CCHCR1: variants seen among roughly 807,000 people sequenced by gnomAD.
The protein encoded by CCHCR1 is HCR (a-helix coiled-coil rod homologue).
In CCHCR1, 91 loss-of-function variants were observed where a neutral mutation model predicts 114.6. The observed-to-expected ratio is 0.79, with a 90% CI of 0.67 to 0.94. The LOEUF (loss-of-function observed/expected upper bound fraction) is 0.94, where lower values mean the gene tolerates loss of function less well. Ranked by LOEUF, CCHCR1 falls within the 40% of genes least tolerant of loss-of-function variation. The pLI is 0.00. For synonymous variants in CCHCR1, 379 were observed against 428.5 expected, an observed-to-expected ratio of 0.88 and a Z score of 1.43; for missense variants, 899 against 1,079.9, an observed-to-expected ratio of 0.83 and a Z score of 2.35.
At position 31,143,222 on chromosome 6, in the gene CCHCR1, T is replaced by C; in HGVS notation, c.2319+40A>G. ...CTCTAGCCCAGGAACCAGCCCAGGA[T>C]GGGCCCTAGTGTCTGCCTGTCTGCC... is the stretch of plus-strand genomic sequence containing the variant. On this transcript the variant is annotated intron_variant, in intron 16 of 17. Transcript: ENST00000396268. This position sits in a 1 kb window ranked among gnomAD's most constrained non-coding sequence, Gnocchi z 5.3. 1.2e-6 allele frequency: 2 copies of C among 1,611,514 alleles called. No individual in the cohort carries two copies. The highest frequency in any genetic ancestry group is 1.7e-6 in the Non-Finnish European group (2 of 1,179,340).
rs1186394264 is a variant in CCHCR1 at position 31,156,802 on chromosome 6, G to C, written c.426C>G (p.Thr142=). 6.2e-7 allele frequency: 1 copy of C among 1,612,748 alleles called. No individual in the cohort carries two copies. The highest frequency in any genetic ancestry group is 8.5e-7 in the Non-Finnish European group (1 of 1,180,002). The part of the protein sequence containing the change: ...HQDVSERRLD[T]QRPQVTMWER... ...CCCACATGGTCACTTGAGGTCTCTGGGTGTCTAGCCGCCTCTCTGAGACAT... is the reference window on the plus strand; with the variant it reads ...CCCACATGGTCACTTGAGGTCTCTGCGTGTCTAGCCGCCTCTCTGAGACAT... Residue 142 remains threonine (T), a synonymous_variant, in exon 3 of 18, where the codon ACC becomes ACG. Transcript: ENST00000396268.
rs1259369177 is a variant in CCHCR1 at position 31,150,890 on chromosome 6, T to C, written c.966-30A>G. 1 of 1,611,704 alleles carries C rather than the reference T, an allele frequency of 6.2e-7. No homozygotes were observed. Among genetic ancestry groups the C allele is most frequent in the African/African-American group, 1.3e-5 (1 of 75,012 alleles). ...GGTTGGGGTGGGAATGGGACAGCCA[T>C]CAGTGGGGCGCCCTGCAGATCCACC... On this transcript the variant is annotated intron_variant, in intron 5 of 17. Coordinates refer to ENST00000396268, the MANE Select transcript of CCHCR1 (RefSeq NM_001105564.2). The surrounding 1 kb of genome is among the most constrained non-coding windows in gnomAD (Gnocchi z 5.3).
intron 4 of CCHCR1, among the ~76,000 whole-genome samples, chr6:31,152,199 T>A (rs3130500): frequency 0.74 from 111,098 of 149,544 alleles, 41,292 homozygotes; most frequent in Middle Eastern, 0.82. Context: ...GAAGAATGAC[T>A]TGAACCCGGG....
At chr6:31,157,354 A>AT (rs1561832385) in intron 1 of CCHCR1, 31 bp downstream of exon 1, 56 of 1,556,594 alleles carry the variant, frequency 3.6e-5, no homozygotes, top group Non-Finnish European at 4.9e-5. Context: ...GGCTTTACTC[A>AT]TACTTTCAGG....
At chr6:31,153,804 T>A (rs1361927008) in intron 4 of CCHCR1, among the ~76,000 whole-genome samples, 2 of 152,132 alleles carry the variant, frequency 1.3e-5, no homozygotes, top group Non-Finnish European at 2.9e-5. Context: ...GGTCTTGAAC[T>A]CCTGACCTTG....
At chr6:31,149,120 C>CAAG in intron 8 of CCHCR1, 1 of 83,118 alleles carries the variant, frequency 1.2e-5, no homozygotes. Flanking sequence ...CCACTGCACT[C>CAAG]CAGCCTGGTG....
Position 31,156,813 on chromosome 6 carries a change from G to C in CCHCR1, c.415C>G (p.Arg139Gly). Residue 139 changes from arginine to glycine, a missense_variant, in exon 3 of 18, where the codon CGG (arginine) becomes GGG (glycine). By Grantham distance (125) the Arg-to-Gly change is moderately radical. Transcript: ENST00000396268. ...PPGHQDVSER[R>G]LDTQRPQVTM... ...ACTTGAGGTCTCTGGGTGTCTAGCC[G>C]CCTCTCTGAGACATCTTGATGGCCT... 1 of 1,612,808 alleles carries C rather than the reference G, an allele frequency of 6.2e-7. No individual in the cohort carries two copies. The highest frequency in any genetic ancestry group is 8.5e-7 in the Non-Finnish European group (1 of 1,179,990).
In CCHCR1 at chr6:31,150,957, A is replaced by G; in HGVS notation, c.965+2T>C. 6.2e-7 allele frequency: 1 copy of G among 1,612,460 alleles called. No individual in the cohort carries two copies. The highest frequency in any genetic ancestry group is 8.5e-7 in the Non-Finnish European group (1 of 1,179,834). ...GGCTCCCGTCGGCGTCCGCCCACCT[A>G]CCTCAGCTGCTTCCGAAGCAGCTCG... On this transcript the variant is annotated splice_donor_variant, in intron 5 of 17. Coordinates refer to ENST00000396268, the MANE Select transcript of CCHCR1 (RefSeq NM_001105564.2). LOFTEE classifies it high-confidence loss of function. The surrounding 1 kb of genome is among the most constrained non-coding windows in gnomAD (Gnocchi z 5.3).
At chr6:31,156,966 G>C (rs372919452) in intron 2 of CCHCR1, 22 bp from the exon 3 acceptor site, 17 of 1,612,520 alleles carry the variant, frequency 1.1e-5, no homozygotes, top group Non-Finnish European at 1.3e-5. Context: ...CAAAAACAAA[G>C]ATGGTCAGTT....
intron 17 of CCHCR1, 88 bp from the exon 18 acceptor site, chr6:31,142,804 T>C (rs1392898750): frequency 5.8e-6 from 9 of 1,547,966 alleles, no homozygotes; most frequent in Non-Finnish European, 6.1e-6. Flanking sequence ...AAATGAGGAA[T>C]GGGAGAGAGG....
chr6:31,145,564 GA>G, intron 11 of CCHCR1, 71 bp from the exon 12 acceptor site: 2 of 1,524,890 alleles, frequency 1.3e-6, no homozygotes, highest in Non-Finnish European at 9.1e-7. Context: ...GGGAGTAAGG[GA>G]AAAAGAGATG....
intron 10 of CCHCR1, 22 bp downstream of exon 10, chr6:31,148,383 C>T: frequency 2.1e-6 from 3 of 1,409,440 alleles, no homozygotes; most frequent in Non-Finnish European, 2.0e-6. Flanking sequence ...CACTACTCCA[C>T]CCACCCCTCC....
Position 31,150,262 on chromosome 6 carries a change from G to A in CCHCR1, c.1213-47C>T, listed in dbSNP as rs779540931. 5 of 1,595,532 alleles carry A rather than the reference G, an allele frequency of 3.1e-6. No individual in the cohort carries two copies. In the African/African-American group the frequency reaches 4.0e-5, roughly 13 times the overall value. On this transcript the variant is annotated intron_variant, in intron 7 of 17. Coordinates refer to ENST00000396268, the MANE Select transcript of CCHCR1 (RefSeq NM_001105564.2). The surrounding 1 kb of genome is among the most constrained non-coding windows in gnomAD (Gnocchi z 5.3). ...AAAAGTGTGGGCTCCTGGGGGAGGAGAGGAAGGAGGTGGCATCTTTGTTTC... is the reference window on the plus strand; with the variant it reads ...AAAAGTGTGGGCTCCTGGGGGAGGAAAGGAAGGAGGTGGCATCTTTGTTTC...
chr6:31,151,074 T>C lies in CCHCR1; in HGVS notation c.850A>G (p.Ser284Gly), dbSNP rs748963793. The change falls in exon 5 of 18, where the codon AGC (serine) becomes GGC (glycine). Residue 284 changes from serine to glycine, a missense_variant. Physicochemically the swap from Ser to Gly is moderately conservative, Grantham distance 56 (BLOSUM62 0). Transcript: ENST00000396268. This position sits in a 1 kb window ranked among gnomAD's most constrained non-coding sequence, Gnocchi z 4.1. ...GACTTCTCCAAGCCCTCAGCCTTGCTGGTCAAACTGGAAAGAGCCTCCTCG... is the reference window on the plus strand; with the variant it reads ...GACTTCTCCAAGCCCTCAGCCTTGCCGGTCAAACTGGAAAGAGCCTCCTCG... Reference protein sequence around the residue: ...AHEEALSSLTSKAEGLEKSLS... With the variant: ...AHEEALSSLTGKAEGLEKSLS... 7 of 1,612,990 alleles carry C rather than the reference T, an allele frequency of 4.3e-6. No homozygotes were observed. In the East Asian group the frequency reaches 1.6e-4, roughly 36 times the overall value.
At chr6:31,153,360 G>A (rs1775526713) in intron 4 of CCHCR1, among the ~76,000 whole-genome samples, 1 of 151,908 alleles carries the variant, frequency 6.6e-6, no homozygotes, top group South Asian at 2.1e-4. Context: ...CAATTTCTAG[G>A]CACACATTTT....
rs151211277 is a variant in CCHCR1 at position 31,155,292 on chromosome 6, G to A, written c.498-493C>T. Among the ~76,000 whole-genome samples, 379 of 152,232 alleles carry A rather than the reference G, an allele frequency of 2.5e-3. 2 individuals are homozygous for A. The highest frequency in any genetic ancestry group is 0.015 in the Admixed American group (226 of 15,290). On this transcript the variant is annotated intron_variant, in intron 3 of 17. Coordinates refer to ENST00000396268, the MANE Select transcript of CCHCR1 (RefSeq NM_001105564.2). Reference sequence around the variant, plus strand: ...CGTAAGCTTCCAGTATCAATATGGTGAGGCCAGGTGCTAGTTAAAAGGCAT... The same window carrying A: ...CGTAAGCTTCCAGTATCAATATGGTAAGGCCAGGTGCTAGTTAAAAGGCAT...
intron 8 of CCHCR1, 93 bp downstream of exon 8, chr6:31,149,973 A>G: frequency 7.1e-7 from 1 of 1,402,564 alleles, no homozygotes; most frequent in Non-Finnish European, 9.9e-7. Flanking sequence ...GCATGTGGCA[A>G]CCACTCAATA....
At chr6:31,149,631 A>C in intron 8 of CCHCR1, 1 of 153,370 alleles carries the variant, frequency 6.5e-6, no homozygotes, top group East Asian at 1.9e-4. Flanking sequence ...TTTAGTAGAG[A>C]CGGGATTTCA....
intron 10 of CCHCR1, among the ~76,000 whole-genome samples, chr6:31,146,075 G>A (rs1774290291): frequency 6.6e-6 from 1 of 152,194 alleles, no homozygotes; most frequent in South Asian, 2.1e-4. Context: ...ATCAGGGGCA[G>A]TGGCTCCTGC....
Sources: allele counts gnomAD v4.1 joint callset (sites outside exome capture counted in the v4.1 genomes callset), GRCh38; gene constraint gnomAD v4.1.1; non-coding constraint Gnocchi (gnomAD v3.1); transcripts MANE v1.5; gene names NCBI Gene and HGNC (gene_info 2026-07-23, HGNC 2026-07-21).